NIBAN1: variants seen among roughly 807,000 people sequenced by gnomAD.
NIBAN1 encodes the protein niban apoptosis regulator 1, also known as protein Niban 1.
In NIBAN1, 81 loss-of-function variants were observed where a neutral mutation model predicts 75.1. The ratio of observed to expected loss-of-function variants is 1.08; its 90% CI spans 0.90 to 1.30. The LOEUF (loss-of-function observed/expected upper bound fraction) is 1.30. NIBAN1 is among the 50% of genes most tolerant of loss of function. The pLI is 0.00. For synonymous variants in NIBAN1, 436 were observed against 424.8 expected (o/e 1.03, Z -0.32); for missense variants, 1,133 against 1,128.1 (o/e 1.00, Z -0.06).
At chr1:184,934,197 C>T (rs1275282561) in intron 1 of NIBAN1, among the ~76,000 whole-genome samples, 1 of 152,128 alleles carries the variant, frequency 6.6e-6, no homozygotes, top group Admixed American at 6.6e-5. Context: ...AAGCCATTAT[C>T]CTAAGCGAAT....
intron 1 of NIBAN1, among the ~76,000 whole-genome samples, chr1:184,919,867 C>T (rs1657483909): frequency 6.6e-6 from 1 of 151,074 alleles, no homozygotes; most frequent in Non-Finnish European, 1.5e-5. Context: ...TTTTTAATCA[C>T]AGGCAATCAA....
At chr1:184,967,494 G>A (rs988574520) in intron 1 of NIBAN1, among the ~76,000 whole-genome samples, 1 of 152,090 alleles carries the variant, frequency 6.6e-6, no homozygotes, top group African/African-American at 2.4e-5. Flanking sequence ...TGCATATTTT[G>A]TAAAACGTTC....
intron 5 of NIBAN1, among the ~76,000 whole-genome samples, chr1:184,883,607 A>T (rs1301260887): frequency 2.0e-5 from 3 of 152,228 alleles, no homozygotes; most frequent in Admixed American, 1.3e-4. Context: ...ACATTGCTTA[A>T]GTCCATGCCT....
intron 12 of NIBAN1, 55 bp downstream of exon 12, chr1:184,803,529 TG>T: frequency 7.2e-7 from 1 of 1,393,544 alleles, no homozygotes; most frequent in South Asian, 1.2e-5. Flanking sequence ...CAAAAGAACT[TG>T]TTTGAACTTC....
At chr1:184,929,495 C>T (rs2102029796) in intron 1 of NIBAN1, among the ~76,000 whole-genome samples, 5 of 152,124 alleles carry the variant, frequency 3.3e-5, no homozygotes, top group Middle Eastern at 6.8e-3. Context: ...TTTAATAAGT[C>T]TAGTTTTTTC....
chr1:184,964,594 T>C (rs1402170269), intron 1 of NIBAN1, among the ~76,000 whole-genome samples: 2 of 152,206 alleles, frequency 1.3e-5, no homozygotes, highest in Non-Finnish European at 2.9e-5. Context: ...TTTGGTGTTG[T>C]GAGGATTATG....
chr1:184,834,125 T>C (rs1163314236), intron 5 of NIBAN1, among the ~76,000 whole-genome samples: 1 of 152,074 alleles, frequency 6.6e-6, no homozygotes, highest in African/African-American at 2.4e-5. Flanking sequence ...TTTCTGTCCT[T>C]GTGATAGTTT....
intron 5 of NIBAN1, among the ~76,000 whole-genome samples, chr1:184,834,842 G>A (rs1655095952): frequency 6.6e-6 from 1 of 152,166 alleles, no homozygotes. Context: ...TTCCTGTGCA[G>A]AAGCTCTTTA....
chr1:184,936,461 C>T (rs1477857290), intron 1 of NIBAN1, among the ~76,000 whole-genome samples: 2 of 152,196 alleles, frequency 1.3e-5, no homozygotes, highest in South Asian at 4.1e-4. Flanking sequence ...TACGAAATTA[C>T]CATAAACTTC....
intron 8 of NIBAN1, among the ~76,000 whole-genome samples, chr1:184,822,263 G>C (rs1301463265): frequency 6.6e-6 from 1 of 152,194 alleles, no homozygotes; most frequent in Admixed American, 6.5e-5. Context: ...GCCCCAGATA[G>C]AATGGAGAAC....
intron 1 of NIBAN1, among the ~76,000 whole-genome samples, chr1:184,958,346 G>A (rs1413288714): frequency 6.8e-6 from 1 of 146,246 alleles, no homozygotes; most frequent in Admixed American, 6.9e-5. Flanking sequence ...CTGCACTCCA[G>A]CTTGTGTGAC....
intron 10 of NIBAN1, among the ~76,000 whole-genome samples, chr1:184,807,587 A>ACCTCTT (rs1654240639): frequency 6.6e-6 from 1 of 152,152 alleles, no homozygotes; most frequent in African/African-American, 2.4e-5. Context: ...CAAGAGTTTG[A>ACCTCTT]GACCAGCCTG....
chr1:184,830,073 G>T (rs1302561304), intron 6 of NIBAN1, among the ~76,000 whole-genome samples: 3 of 152,206 alleles, frequency 2.0e-5, no homozygotes, highest in Admixed American at 2.0e-4. Context: ...TAGAGTCAGT[G>T]CTCAGTAAAT....
chr1:184,854,449 G>T (rs934329742), intron 5 of NIBAN1, among the ~76,000 whole-genome samples: 1 of 152,076 alleles, frequency 6.6e-6, no homozygotes, highest in Middle Eastern at 3.2e-3. Context: ...CAAAATTAAG[G>T]AATAAAATAA....
intron 5 of NIBAN1, among the ~76,000 whole-genome samples, chr1:184,838,809 G>C (rs147319308): frequency 1.3e-5 from 2 of 152,310 alleles, no homozygotes; most frequent in East Asian, 3.9e-4. Context: ...GCTGGGTTTG[G>C]AAGCTGCCTT....
At chr1:184,949,701 A>C (rs1658314512) in intron 1 of NIBAN1, among the ~76,000 whole-genome samples, 1 of 152,222 alleles carries the variant, frequency 6.6e-6, no homozygotes, top group African/African-American at 2.4e-5. Flanking sequence ...TCCCTTTGAA[A>C]GCAGAGGAGT....
In NIBAN1 at chr1:184,831,894, TCTC is replaced by T. The variant is rs1187037394; in HGVS notation, c.667_669del (p.Glu223del). The T allele has an allele frequency of 1.9e-6, 3 of 1,614,028 alleles. No individual in the cohort carries two copies. Among genetic ancestry groups the T allele is most frequent in the Non-Finnish European group, 2.5e-6 (3 of 1,179,998 alleles). On this transcript the variant is annotated inframe_deletion, in exon 6 of 14. Coordinates refer to ENST00000367511, the MANE Select transcript of NIBAN1 (RefSeq NM_052966.4). ...ATTTCCCAGGAACCATAGTGACCCT[TCTC>T]CTGTCGGAAGAATTGCACAGCTTCT...
chr1:184,916,561 T>C (rs1208434090), intron 1 of NIBAN1, among the ~76,000 whole-genome samples: 1 of 152,162 alleles, frequency 6.6e-6, no homozygotes, highest in East Asian at 1.9e-4. Context: ...TGTCTCCAAA[T>C]AAACCATATA....
chr1:184,916,348 C>A (rs1178318712), intron 1 of NIBAN1, among the ~76,000 whole-genome samples: 1 of 152,112 alleles, frequency 6.6e-6, no homozygotes, highest in Non-Finnish European at 1.5e-5. Flanking sequence ...CTAAAAGAAA[C>A]TTAGGTTGGA....
Sources: allele counts gnomAD v4.1 joint callset (sites outside exome capture counted in the v4.1 genomes callset), GRCh38; gene constraint gnomAD v4.1.1; transcripts MANE v1.5; gene names NCBI Gene and HGNC (gene_info 2026-07-23, HGNC 2026-07-21).